The following CLEC9A variants were observed in gnomAD, a reference collection of about 807,000 sequenced individuals.
The protein encoded by CLEC9A is C-type lectin domain family 9 member A.
In CLEC9A, 24 loss-of-function variants were observed where a neutral mutation model predicts 30.0. That is an observed-to-expected ratio of 0.80 (90% CI 0.58 to 1.13). The LOEUF is 1.13. CLEC9A is among the 50% of genes most tolerant of loss of function. The pLI is 0.00. For missense variants in CLEC9A, 251 were observed against 280.9 expected, an observed-to-expected ratio of 0.89 and a Z score of 0.76; for synonymous variants, 111 against 96.8, an observed-to-expected ratio of 1.15 and a Z score of -0.86.
At chr12:10,044,009 T>A (rs1336290088) in intron 2 of CLEC9A, among the ~76,000 whole-genome samples, 2 of 152,306 alleles carry the variant, frequency 1.3e-5, no homozygotes, top group African/African-American at 4.8e-5. Flanking sequence ...CAAAATTTCA[T>A]CCTTATTTTG....
chr12:10,055,431 A>G (rs1423520706), intron 5 of CLEC9A, among the ~76,000 whole-genome samples: 1 of 152,234 alleles, frequency 6.6e-6, no homozygotes, highest in Non-Finnish European at 1.5e-5. Flanking sequence ...GCCAAACTTC[A>G]TTGTAACTCT....
intron 5 of CLEC9A, among the ~76,000 whole-genome samples, chr12:10,055,810 A>C (rs984490130): frequency 1.3e-5 from 2 of 152,008 alleles, no homozygotes; most frequent in African/African-American, 4.8e-5. Context: ...TAATCCCAGC[A>C]CTTTGGGAGG....
chr12:10,040,055 T>C (rs1865778904), intron 1 of CLEC9A, among the ~76,000 whole-genome samples: 1 of 152,228 alleles, frequency 6.6e-6, no homozygotes, highest in African/African-American at 2.4e-5. Context: ...ACTCCTGGCC[T>C]CAAGTGATGT....
At chr12:10,055,437 ACT>A (rs1865933376) in intron 5 of CLEC9A, among the ~76,000 whole-genome samples, 1 of 152,204 alleles carries the variant, frequency 6.6e-6, no homozygotes, top group South Asian at 2.1e-4. Context: ...CTTCATTGTA[ACT>A]CTACAATAGA....
rs1354703927 is a variant in CLEC9A, at chr12:10,047,504, T to C, written c.-162-4487T>C. On this transcript the variant is annotated intron_variant, in intron 2 of 8. Coordinates refer to ENST00000355819, the MANE Select transcript of CLEC9A (RefSeq NM_207345.4). ...TAGTAGCACAAATCAGAACACTTCA[T>C]TCCAAATACTTAATCTTCTACATAT... Among the ~76,000 whole-genome samples, 6 of 152,320 alleles carry C rather than the reference T, an allele frequency of 3.9e-5. No homozygotes were observed. In the East Asian group the frequency reaches 1.2e-3, roughly 29 times the overall value.
intron 8 of CLEC9A, among the ~76,000 whole-genome samples, chr12:10,065,118 T>C (rs557946822): frequency 6.6e-6 from 1 of 152,302 alleles, no homozygotes; most frequent in Non-Finnish European, 1.5e-5. Context: ...TCAAGTGTGT[T>C]TCTTTTGTAT....
At chr12:10,064,711 A>T (rs1388574865) in intron 7 of CLEC9A, 21 bp from the exon 8 acceptor site, 4 of 1,499,632 alleles carry the variant, frequency 2.7e-6, no homozygotes, top group East Asian at 2.5e-5. Context: ...CTCATTTCAC[A>T]GTTCAATTTT....
At chr12:10,065,169 G>A (rs1361511105) in intron 8 of CLEC9A, among the ~76,000 whole-genome samples, 1 of 152,094 alleles carries the variant, frequency 6.6e-6, no homozygotes, top group Non-Finnish European at 1.5e-5. Context: ...TCCACATTAA[G>A]CTTTTCAGAT....
At chr12:10,055,551 G>A (rs1865934427) in intron 5 of CLEC9A, among the ~76,000 whole-genome samples, 1 of 151,896 alleles carries the variant, frequency 6.6e-6, no homozygotes, top group Non-Finnish European at 1.5e-5. Context: ...ATAATGATTT[G>A]GGGTAATAAG....
At chr12:10,047,107 T>C (rs868136650) in intron 2 of CLEC9A, among the ~76,000 whole-genome samples, 5 of 152,160 alleles carry the variant, frequency 3.3e-5, no homozygotes, top group Non-Finnish European at 7.3e-5. Flanking sequence ...TTTGGAGGGC[T>C]TAGGAAAAAT....
At chr12:10,034,711 T>C (rs1047614360) in intron 1 of CLEC9A, among the ~76,000 whole-genome samples, 2 of 152,124 alleles carry the variant, frequency 1.3e-5, no homozygotes, top group Non-Finnish European at 2.9e-5. Flanking sequence ...GCTCGCTTCT[T>C]CAGTGCCCCG....
intron 1 of CLEC9A, among the ~76,000 whole-genome samples, chr12:10,036,414 G>C (rs1038507649): frequency 1.3e-5 from 2 of 152,208 alleles, no homozygotes; most frequent in African/African-American, 4.8e-5. Flanking sequence ...GTAATGAAGA[G>C]GGCTGAGAGA....
At chr12:10,041,233 G>A (rs1865794359) in intron 1 of CLEC9A, among the ~76,000 whole-genome samples, 1 of 152,034 alleles carries the variant, frequency 6.6e-6, no homozygotes, top group South Asian at 2.1e-4. Context: ...GCCACAGAGT[G>A]AGACTCAGTC....
intron 4 of CLEC9A, 113 bp downstream of exon 4, chr12:10,052,891 G>A (rs117997525): frequency 6.9e-6 from 8 of 1,162,570 alleles, no homozygotes; most frequent in Non-Finnish European, 9.4e-6. Flanking sequence ...CTACCTAAGG[G>A]TACTGTAATG....
chr12:10,040,551 C>T (rs1294514719), intron 1 of CLEC9A, among the ~76,000 whole-genome samples: 1 of 151,482 alleles, frequency 6.6e-6, no homozygotes, highest in African/African-American at 2.4e-5. Flanking sequence ...CCCAGGTTCA[C>T]GCCATTCTCC....
chr12:10,043,744 C>T (rs970573293), intron 2 of CLEC9A, among the ~76,000 whole-genome samples: 3 of 151,676 alleles, frequency 2.0e-5, no homozygotes, highest in East Asian at 1.9e-4. Context: ...TGCAGTGGTG[C>T]GATCTTGGCT....
At chr12:10,056,391 A>C (rs1293565216) in intron 5 of CLEC9A, among the ~76,000 whole-genome samples, 1 of 152,202 alleles carries the variant, frequency 6.6e-6, no homozygotes, top group African/African-American at 2.4e-5. Context: ...GAACAACAAA[A>C]GAAAGAAGAA....
At chr12:10,055,864 C>T (rs1565592520) in intron 5 of CLEC9A, among the ~76,000 whole-genome samples, 1 of 151,796 alleles carries the variant, frequency 6.6e-6, no homozygotes, top group Non-Finnish European at 1.5e-5. Flanking sequence ...CAAGACCAGT[C>T]TGGCCAACAT....
In CLEC9A at chr12:10,046,732, T is replaced by A. The variant is rs1225282475; in HGVS notation, c.-163+5112T>A. Among the ~76,000 whole-genome samples the A allele has an allele frequency of 2.0e-5, 3 of 152,170 alleles. No homozygotes were observed. The East Asian group carries it at 5.8e-4, about 29-fold the overall frequency. ...GTTCAAACACAAATGCTGACGTTAG[T>A]GGGAAGGCTGAGGACACACAGAGAC... On this transcript the variant is annotated intron_variant, in intron 2 of 8. Coordinates refer to ENST00000355819, the MANE Select transcript of CLEC9A (RefSeq NM_207345.4).
Sources: gnomAD v4.1 joint callset for allele counts (sites outside exome capture counted in the v4.1 genomes callset) on GRCh38, gnomAD v4.1.1 for gene constraint, MANE v1.5 for transcripts, NCBI Gene and HGNC (gene_info 2026-07-23, HGNC 2026-07-21) for gene names.